CARMIL1: variants seen among roughly 807,000 people sequenced by gnomAD.
CARMIL1 encodes capping protein regulator and myosin 1 linker 1, also known as F-actin-uncapping protein LRRC16A.
Under a neutral mutation model 177.1 loss-of-function variants are expected in CARMIL1, and 90 were observed. The observed-to-expected ratio is 0.51, with a 90% CI of 0.43 to 0.61. The LOEUF (loss-of-function observed/expected upper bound fraction) is 0.61, where lower values mean the gene tolerates loss of function less well. Ranked by LOEUF, CARMIL1 falls within the 20% of genes least tolerant of loss-of-function variation. The pLI, the probability that CARMIL1 is intolerant of heterozygous loss-of-function variation, is 0.00. For synonymous variants in CARMIL1, 577 were observed against 606.2 expected, an observed-to-expected ratio of 0.95 and a Z score of 0.71; for missense variants, 1,380 against 1,667.0, an observed-to-expected ratio of 0.83 and a Z score of 3.00.
At chr6:25,333,277 A>G (rs1785882468) in intron 2 of CARMIL1, among the ~76,000 whole-genome samples, 1 of 152,212 alleles carries the variant, frequency 6.6e-6, no homozygotes, top group Non-Finnish European at 1.5e-5. Flanking sequence ...TGTAATGAAT[A>G]TGCGGCTGGG....
intron 2 of CARMIL1, among the ~76,000 whole-genome samples, chr6:25,408,622 G>A (rs892327558): frequency 1.3e-5 from 2 of 152,090 alleles, no homozygotes; most frequent in Non-Finnish European, 2.9e-5. Flanking sequence ...AAAATCATTC[G>A]TGCTTGTAAG....
At position 25,472,529 on chromosome 6, in the gene CARMIL1, A is replaced by C. The variant is rs543263037; in HGVS notation, c.874+8A>C. On this transcript the variant is annotated splice_region_variant and intron_variant, in intron 11 of 36. Transcript: ENST00000329474. ...ACCCACTGGAGGATAGAGGTACTGCAGAGTTCTCATTATCATTGATGCCAG... is the reference window on the plus strand; with the variant it reads ...ACCCACTGGAGGATAGAGGTACTGCCGAGTTCTCATTATCATTGATGCCAG... 2 of 1,557,704 alleles carry C rather than the reference A, an allele frequency of 1.3e-6. No individual in the cohort carries two copies. The highest frequency in any genetic ancestry group is 1.9e-5 in the Admixed American group (1 of 52,734).
chr6:25,293,111 T>A (rs1037096849), intron 2 of CARMIL1, among the ~76,000 whole-genome samples: 14 of 151,756 alleles, frequency 9.2e-5, no homozygotes, highest in African/African-American at 2.7e-4. Context: ...TTTTTTTTTT[T>A]AATAGAATAT....
intron 11 of CARMIL1, among the ~76,000 whole-genome samples, chr6:25,476,267 C>T (rs778902559): frequency 2.8e-4 from 42 of 152,140 alleles, no homozygotes; most frequent in African/African-American, 9.7e-4. Context: ...TATCTAGCTG[C>T]GTCCCATTCA....
At chr6:25,606,355 CA>C in intron 35 of CARMIL1, 82 bp downstream of exon 35, 1 of 1,332,786 alleles carries the variant, frequency 7.5e-7, no homozygotes, top group South Asian at 1.4e-5. Context: ...CAGGTGGTTT[CA>C]GGGGCAGCTG....
Position 25,482,321 on chromosome 6 carries a change from TA to T in CARMIL1, c.943del (p.Thr315ProfsTer8). Reference protein sequence around the residue: ...PKGLKHLNLSKTSLSPKGVNS... With the variant: ...PKGLKHLNLSXTSLSPKGVNS... ...AGGGATTAAAGCACTTAAATTTATC[TA>T]AAACCTCATTATCACCTAAAGGTAC... On this transcript the variant is annotated frameshift_variant, in exon 12 of 37. Coordinates refer to ENST00000329474, the MANE Select transcript of CARMIL1 (RefSeq NM_017640.6). LOFTEE classifies it high-confidence loss of function. The T allele has an allele frequency of 6.4e-7, 1 of 1,574,668 alleles. No individual in the cohort carries two copies. Among genetic ancestry groups the T allele is most frequent in the Admixed American group, 1.7e-5 (1 of 57,198 alleles).
chr6:25,383,361 T>C (rs1249290060), intron 2 of CARMIL1, among the ~76,000 whole-genome samples: 2 of 152,170 alleles, frequency 1.3e-5, no homozygotes, highest in Admixed American at 6.5e-5. Flanking sequence ...ACAAAAATAA[T>C]ATATTTTAAA....
intron 2 of CARMIL1, among the ~76,000 whole-genome samples, chr6:25,384,207 A>C (rs972120356): frequency 2.0e-5 from 3 of 152,190 alleles, no homozygotes; most frequent in Non-Finnish European, 2.9e-5. Flanking sequence ...TCAATGCTTT[A>C]TTTGAGGACA....
chr6:25,455,371 T>TAA (rs1469839242), intron 8 of CARMIL1, among the ~76,000 whole-genome samples: 1 of 152,192 alleles, frequency 6.6e-6, no homozygotes, highest in East Asian at 1.9e-4. Context: ...TAACAGTCCT[T>TAA]AAAACCATCA....
chr6:25,463,927 A>G (rs1260646763), intron 8 of CARMIL1, among the ~76,000 whole-genome samples: 2 of 138,954 alleles, frequency 1.4e-5, no homozygotes, highest in Non-Finnish European at 3.0e-5. Flanking sequence ...GGTTCACGCC[A>G]TTCTCCTGCC....
At chr6:25,381,734 C>A (rs1268453661) in intron 2 of CARMIL1, among the ~76,000 whole-genome samples, 1 of 152,158 alleles carries the variant, frequency 6.6e-6, no homozygotes, top group African/African-American at 2.4e-5. Flanking sequence ...TTTGTGTGTT[C>A]ACCAATCCAG....
At chr6:25,447,986 A>T (rs945826053) in intron 5 of CARMIL1, among the ~76,000 whole-genome samples, 5 of 151,972 alleles carry the variant, frequency 3.3e-5, no homozygotes, top group African/African-American at 4.8e-5. Context: ...CCAGCTGCCC[A>T]CCTCTCCATA....
Position 25,554,322 on chromosome 6 carries a change from T to C in CARMIL1, c.2592+226T>C, listed in dbSNP as rs927558943. The stretch of plus-strand genomic sequence containing the variant: ...TGATAAGGGAAAGCAGAACTGATTG[T>C]ATCCAGAAATCTTATTGTTCATTTA... On this transcript the variant is annotated intron_variant, in intron 28 of 36. Transcript: ENST00000329474. The surrounding 1 kb of genome is among the most constrained non-coding windows in gnomAD (Gnocchi z 4.6). Among the ~76,000 whole-genome samples, 1 of 152,222 alleles carries C rather than the reference T, an allele frequency of 6.6e-6. No individual in the cohort carries two copies. Among genetic ancestry groups the C allele is most frequent in the Non-Finnish European group, 1.5e-5 (1 of 68,030 alleles).
chr6:25,473,143 G>A (rs796217332), intron 11 of CARMIL1, among the ~76,000 whole-genome samples: 35 of 152,304 alleles, frequency 2.3e-4, no homozygotes, highest in African/African-American at 6.3e-4. Context: ...GAGGCCAGCT[G>A]GAGTACATCT....
At chr6:25,541,078 G>A (rs1808844979) in intron 26 of CARMIL1, among the ~76,000 whole-genome samples, 2 of 152,110 alleles carry the variant, frequency 1.3e-5, no homozygotes, top group African/African-American at 4.8e-5. Flanking sequence ...TTACCTAATA[G>A]CACTTGTTTT....
rs146534706 is a variant in CARMIL1, at chr6:25,472,082, A to C, written c.780-345A>C. Among the ~76,000 whole-genome samples, 698 of 152,234 alleles carry C rather than the reference A, an allele frequency of 4.6e-3. 8 individuals are homozygous for C. The highest frequency in any genetic ancestry group is 0.016 in the African/African-American group (653 of 41,554). The stretch of plus-strand genomic sequence containing the variant: ...ATGGAATGAGAAATAAGATGTGGTG[A>C]ATACTATAATTTTCATGAAAAGCAG... On this transcript the variant is annotated intron_variant, in intron 10 of 36. Coordinates refer to ENST00000329474, the MANE Select transcript of CARMIL1 (RefSeq NM_017640.6).
chr6:25,391,073 T>A (rs1269403731), intron 2 of CARMIL1, among the ~76,000 whole-genome samples: 1 of 152,240 alleles, frequency 6.6e-6, no homozygotes. Flanking sequence ...CGTGATTTGA[T>A]TTGAAAGCTA....
At chr6:25,507,790 A>C (rs1378490439) in intron 17 of CARMIL1, among the ~76,000 whole-genome samples, 1 of 152,204 alleles carries the variant, frequency 6.6e-6, no homozygotes, top group Non-Finnish European at 1.5e-5. Context: ...TCTCAAAAGC[A>C]TACTTTTTTC....
chr6:25,482,144 A>G (rs1802174414), intron 11 of CARMIL1, 113 bp from the exon 12 acceptor site: 3 of 629,172 alleles, frequency 4.8e-6, no homozygotes, highest in Non-Finnish European at 8.4e-6. Context: ...TGATATTAGA[A>G]AGAAAAATAT....
Sources: allele counts gnomAD v4.1 joint callset (sites outside exome capture counted in the v4.1 genomes callset), GRCh38; gene constraint gnomAD v4.1.1; non-coding constraint Gnocchi (gnomAD v3.1); transcripts MANE v1.5; gene names NCBI Gene and HGNC (gene_info 2026-07-23, HGNC 2026-07-21).